The following PPP1R12C variants were observed in gnomAD, a reference collection of about 807,000 sequenced individuals.
PPP1R12C encodes protein phosphatase 1 regulatory subunit 12C.
Under a neutral mutation model 95.6 loss-of-function variants are expected in PPP1R12C, and 48 were observed. That is an observed-to-expected ratio of 0.50 (90% confidence interval 0.40 to 0.64). The LOEUF (loss-of-function observed/expected upper bound fraction) is 0.64. Ranked by LOEUF, PPP1R12C falls within the 30% of genes least tolerant of loss-of-function variation. The pLI, the probability that PPP1R12C is intolerant of heterozygous loss-of-function variation, is 0.00. For missense variants in PPP1R12C, 1,057 were observed against 1,083.3 expected, an observed-to-expected ratio of 0.98 and a Z score of 0.34; for synonymous variants, 480 against 460.8, an observed-to-expected ratio of 1.04 and a Z score of -0.53.
At chr19:55,110,541 G>C (rs541574670) in intron 3 of PPP1R12C, among the ~76,000 whole-genome samples, 2 of 152,344 alleles carry the variant, frequency 1.3e-5, no homozygotes, top group African/African-American at 4.8e-5. Flanking sequence ...CTTGTGGCAG[G>C]AGATACCTGC....
intron 19 of PPP1R12C, 86 bp from the exon 20 acceptor site, chr19:55,091,995 CGCCCACTAGGCA>C: frequency 6.6e-7 from 1 of 1,519,010 alleles, no homozygotes; most frequent in Non-Finnish European, 9.1e-7. Flanking sequence ...GGCACCCGCC[CGCCCACTAGGCA>C]GCCCACAAGC....
At chr19:55,105,914 C>G (rs143117932) in intron 3 of PPP1R12C, among the ~76,000 whole-genome samples, 220 of 151,936 alleles carry the variant, frequency 1.4e-3, no homozygotes, top group Non-Finnish European at 1.9e-3. Context: ...CGCACTCCAG[C>G]CTGGGAGGCA....
At chr19:55,102,679 T>G (rs1253655350) in intron 4 of PPP1R12C, among the ~76,000 whole-genome samples, 1 of 152,218 alleles carries the variant, frequency 6.6e-6, no homozygotes, top group East Asian at 1.9e-4. Context: ...GAAATATCAC[T>G]AAAGATAAAG....
intron 3 of PPP1R12C, among the ~76,000 whole-genome samples, chr19:55,110,181 G>A (rs1010789728): frequency 1.3e-5 from 2 of 152,198 alleles, no homozygotes; most frequent in Non-Finnish European, 2.9e-5. Context: ...GACAGAGGGA[G>A]CCTAAATCAC....
chr19:55,095,731 G>C lies in PPP1R12C; in HGVS notation c.1228-128C>G, dbSNP rs1475429036. 1.3e-5 allele frequency: 19 copies of C among 1,517,524 alleles called. No individual in the cohort carries two copies. The Admixed American group carries it at 3.4e-4, about 27-fold the overall frequency. 94.0% of individuals were successfully genotyped at this position (1,517,524 alleles called of 1,614,324 possible). A position where few individuals can be genotyped will look rare whatever the true frequency, so the allele number is the denominator to read the frequency against. ...CCCCGGGGCAGGCACAGCCTAAAAA[G>C]GAAGCCGGTTGTCCAGGACGACTCT... On this transcript the variant is annotated intron_variant, in intron 9 of 21. Transcript: ENST00000263433.
Position 55,095,425 on chromosome 19 carries a change from C to A in PPP1R12C, c.1386+20G>T. ...ACTGGGCAGGGGCCTGGGCCTGGAC[C>A]CGGCCCAACCCTCACTCACCTGAGT... On this transcript the variant is annotated intron_variant, in intron 10 of 21. Transcript: ENST00000263433. The A allele has an allele frequency of 6.4e-7, 1 of 1,560,424 alleles. No individual in the cohort carries two copies. The highest frequency in any genetic ancestry group is 1.2e-5 in the South Asian group (1 of 84,812).
At chr19:55,102,488 G>C (rs2084989739) in intron 4 of PPP1R12C, among the ~76,000 whole-genome samples, 1 of 152,190 alleles carries the variant, frequency 6.6e-6, no homozygotes, top group South Asian at 2.1e-4. Context: ...CTCCAGCCTA[G>C]GTGACAGAGC....
Position 55,095,367 on chromosome 19 carries a change from A to G in PPP1R12C, c.1387-9T>C. The G allele has an allele frequency of 6.3e-7, 1 of 1,587,938 alleles. No homozygotes were observed. The highest frequency in any genetic ancestry group is 8.6e-7 in the Non-Finnish European group (1 of 1,167,356). On this transcript the variant is annotated splice_polypyrimidine_tract_variant and intron_variant, in intron 10 of 21. Transcript: ENST00000263433. ...AGACGGAGCTCCTTGGCCTGTGTGG[A>G]GAGGAGAAGGGGAGGAAGGGGCAGT...
chr19:55,095,739 G>A (rs2084903768), intron 9 of PPP1R12C, 128 bp downstream of exon 9: 5 of 1,517,884 alleles, frequency 3.3e-6, no homozygotes, highest in Admixed American at 3.5e-5. Context: ...AAGGAAGCCG[G>A]TTGTCCAGGA....
chr19:55,091,588 C>A, intron 21 of PPP1R12C, 30 bp from the exon 22 acceptor site: 1 of 1,611,512 alleles, frequency 6.2e-7, no homozygotes, highest in Non-Finnish European at 8.5e-7. Context: ...AGCTGGGCAG[C>A]CCTGGCGGGT....
At position 55,112,680 on chromosome 19, in the gene PPP1R12C, T is replaced by A; in HGVS notation, c.437A>T (p.Tyr146Phe). ...TPLHVAASCGYLDIARYLLSH... is the reference protein window; with the variant it reads ...TPLHVAASCGFLDIARYLLSH... The stretch of plus-strand genomic sequence containing the variant: ...CTTGCCTCACCTGGCGATATCTAGG[T>A]AGCCACAGGAGGCGGCCACGTGCAG... The change falls in exon 2 of 22, where the codon TAC (tyrosine) becomes TTC (phenylalanine). Residue 146 changes from tyrosine (Y) to phenylalanine (F), a missense_variant. By Grantham distance (22) the Tyr-to-Phe change is conservative (BLOSUM62 3). Coordinates refer to ENST00000263433, the MANE Select transcript of PPP1R12C (RefSeq NM_017607.4). 6.2e-7 allele frequency: 1 copy of A among 1,613,578 alleles called. No individual in the cohort carries two copies. Among genetic ancestry groups the A allele is most frequent in the African/African-American group, 1.3e-5 (1 of 74,872 alleles).
intron 1 of PPP1R12C, chr19:55,113,553 G>A: frequency 7.4e-7 from 1 of 1,353,714 alleles, no homozygotes; most frequent in Non-Finnish European, 9.5e-7. Flanking sequence ...TCGGAGGAGG[G>A]ACTTGCCCCA....
chr19:55,099,956 G>C (rs949001680), intron 4 of PPP1R12C, among the ~76,000 whole-genome samples: 5 of 152,168 alleles, frequency 3.3e-5, no homozygotes, highest in South Asian at 2.1e-4. Context: ...ATTCTACAAA[G>C]AGGCCTTATA....
intron 3 of PPP1R12C, chr19:55,111,481 G>C (rs1396192455): frequency 6.6e-6 from 1 of 152,148 alleles, no homozygotes; most frequent in African/African-American, 2.4e-5. Flanking sequence ...TCCAGGTCCA[G>C]GGCTGATTTG....
At chr19:55,112,890 GAC>G in intron 1 of PPP1R12C, 95 bp from the exon 2 acceptor site, 1 of 1,527,854 alleles carries the variant, frequency 6.5e-7, no homozygotes, top group Non-Finnish European at 8.9e-7. Flanking sequence ...CAGATCCAGG[GAC>G]ACGGTGCTAG....
At chr19:55,098,921 C>A in intron 5 of PPP1R12C, 30 bp downstream of exon 5, 1 of 1,603,282 alleles carries the variant, frequency 6.2e-7, no homozygotes. Flanking sequence ...CCACGCCCTG[C>A]CCCTCACCAG....
rs1602978246 is a variant in PPP1R12C, at chr19:55,096,152, C to T, written c.1052G>A (p.Arg351His). ...RRSSVCRLSS[R>H]EKISLQDLSK... ...CAAGTCCTGGAGGGAAATCTTCTCG[C>T]GACTGCTCAGACGACACACAGAGCT... is the stretch of plus-strand genomic sequence containing the variant. Residue 351 changes from arginine to histidine, a missense_variant, in exon 8 of 22, where the codon CGC (arginine) becomes CAC (histidine). Arg to His is a conservative substitution (Grantham distance 29). This residue lies in a region of PPP1R12C where 356 missense variants were observed against 330.5 expected (regional missense o/e 1.08). Transcript: ENST00000263433. 6 of 1,601,824 alleles carry T rather than the reference C, an allele frequency of 3.7e-6. No individual in the cohort carries two copies. The highest frequency in any genetic ancestry group is 2.2e-5 in the East Asian group (1 of 44,690).
chr19:55,117,597 A>ACCACCCGC lies in PPP1R12C; in HGVS notation c.-62_-55dup, dbSNP rs1019515126. On this transcript the variant is annotated 5_prime_UTR_variant, in exon 1 of 22. Coordinates refer to ENST00000263433, the MANE Select transcript of PPP1R12C (RefSeq NM_017607.4). ...CGAGCGCCGAGCCCCAACCGCCGCC[A>ACCACCCGC]CCACCCGCCCGCCCGCCCGCCCCGG... 1.1e-6 allele frequency: 1 copy of ACCACCCGC among 931,696 alleles called. No individual in the cohort carries two copies. Among genetic ancestry groups the ACCACCCGC allele is most frequent in the African/African-American group, 2.0e-5 (1 of 51,272 alleles). 57.7% of individuals were successfully genotyped at this position (931,696 alleles called of 1,614,324 possible). A position where few individuals can be genotyped will look rare whatever the true frequency, so the allele number is the denominator to read the frequency against.
intron 3 of PPP1R12C, 173 bp downstream of exon 3, chr19:55,112,294 T>C (rs2085104715): frequency 1.7e-6 from 1 of 571,726 alleles, no homozygotes; most frequent in Admixed American, 3.1e-5. Flanking sequence ...CAAGCAATCC[T>C]GGAGGCAGGC....
Sources: allele counts gnomAD v4.1 joint callset (sites outside exome capture counted in the v4.1 genomes callset), GRCh38; gene constraint gnomAD v4.1.1; regional missense constraint gnomAD v4.1.1; transcripts MANE v1.5; gene names NCBI Gene and HGNC (gene_info 2026-07-23, HGNC 2026-07-21).